Variants in NRXN1 observed in about 807,000 individuals in gnomAD.
NRXN1 encodes the protein neurexin-1.
A neutral mutation model predicts 150.9 loss-of-function variants in NRXN1; 39 were observed. The ratio of observed to expected loss-of-function variants is 0.26; its 90% CI spans 0.20 to 0.34. The LOEUF is 0.34. Among genes scored for constraint, NRXN1 ranks in the 10% least tolerant of loss-of-function variants. The pLI is 1.00. For synonymous variants in NRXN1, 924 were observed against 757.0 expected (o/e 1.22, Z -3.62); for missense variants, 1,815 against 1,949.9 (o/e 0.93, Z 1.30).
rs150640825 is a variant in NRXN1, at chr2:50,245,919, AT to A, written c.3365-8950del. Reference sequence around the variant, plus strand: ...CTTGTACTTAACTCTATTCTTAGTGATTTTTTTTTTCTATACAACAAAAAGC... The same window carrying A: ...CTTGTACTTAACTCTATTCTTAGTGATTTTTTTTTCTATACAACAAAAAGC... On this transcript the variant is annotated intron_variant, in intron 17 of 22. Transcript: ENST00000401669. Among the ~76,000 whole-genome samples the A allele has an allele frequency of 2.8e-3, 413 of 150,128 alleles. 2 individuals are homozygous for A. The highest frequency in any genetic ancestry group is 8.9e-3 in the African/African-American group (367 of 41,048).
chr2:50,277,085 A>G (rs1393097350), intron 17 of NRXN1, among the ~76,000 whole-genome samples: 1 of 152,174 alleles, frequency 6.6e-6, no homozygotes, highest in Non-Finnish European at 1.5e-5. Context: ...TTCGTTCAGA[A>G]TGTAAGAATG....
At chr2:50,478,562 G>T (rs914231115) in intron 15 of NRXN1, among the ~76,000 whole-genome samples, 1 of 151,146 alleles carries the variant, frequency 6.6e-6, no homozygotes, top group Non-Finnish European at 1.5e-5. Context: ...TTGATTTATT[G>T]TTTTTTAACT....
rs1200352168 is a variant in NRXN1 at position 50,681,660 on chromosome 2, C to T, written c.833-58045G>A. Among the ~76,000 whole-genome samples, 3 of 152,120 alleles carry T rather than the reference C, an allele frequency of 2.0e-5. No homozygotes were observed. In the South Asian group the frequency reaches 6.2e-4, roughly 32 times the overall value. ...TATTAATTACTTTCAACTCTTCCCC[C>T]AAGGTCTAGTAACCCACAAAAAGCT... On this transcript the variant is annotated intron_variant, in intron 5 of 22. Transcript: ENST00000401669.
intron 5 of NRXN1, among the ~76,000 whole-genome samples, chr2:50,907,663 C>A (rs767329927): frequency 1.3e-5 from 2 of 151,902 alleles, no homozygotes; most frequent in Non-Finnish European, 2.9e-5. Context: ...GAAGAATGGT[C>A]TGAGAGATGC....
intron 5 of NRXN1, among the ~76,000 whole-genome samples, chr2:50,628,155 A>G (rs887950357): frequency 4.0e-5 from 6 of 151,840 alleles, no homozygotes; most frequent in African/African-American, 1.2e-4. Context: ...ATAAATCTCA[A>G]CAAAGGTTTT....
chr2:50,302,768 T>C (rs192443020), intron 17 of NRXN1, among the ~76,000 whole-genome samples: 4 of 152,272 alleles, frequency 2.6e-5, no homozygotes, highest in Non-Finnish European at 5.9e-5. Context: ...TGAAATTTAA[T>C]TTGTAAGACA....
chr2:50,683,731 A>G (rs529043392), intron 5 of NRXN1, among the ~76,000 whole-genome samples: 1 of 145,458 alleles, frequency 6.9e-6, no homozygotes, highest in African/African-American at 2.5e-5. Flanking sequence ...AAACAGCTTT[A>G]CATACTTCAG....
intron 21 of NRXN1, among the ~76,000 whole-genome samples, chr2:49,950,913 G>C (rs931611856): frequency 6.6e-6 from 1 of 151,836 alleles, no homozygotes; most frequent in Non-Finnish European, 1.5e-5. Flanking sequence ...TGATGCCCTA[G>C]GCTATTACAA....
At chr2:50,053,189 T>C in intron 21 of NRXN1, 82 bp downstream of exon 21, 3 of 1,428,104 alleles carry the variant, frequency 2.1e-6, no homozygotes, top group Non-Finnish European at 3.0e-6. Context: ...ATGTTCCAAT[T>C]TAGAAAAGAC....
intron 19 of NRXN1, among the ~76,000 whole-genome samples, chr2:50,066,742 G>A (rs544570742): frequency 2.0e-5 from 3 of 152,228 alleles, no homozygotes; most frequent in East Asian, 3.9e-4. Context: ...TAAGTAAAAT[G>A]CACTGAAAAT....
chr2:50,899,250 C>T (rs1054475323), intron 5 of NRXN1, among the ~76,000 whole-genome samples: 12 of 152,212 alleles, frequency 7.9e-5, no homozygotes, highest in South Asian at 4.1e-4. Context: ...CGGATTCCAC[C>T]GTAATTTCTG....
intron 2 of NRXN1, among the ~76,000 whole-genome samples, chr2:50,987,446 G>C (rs1697898011): frequency 6.6e-6 from 1 of 151,812 alleles, no homozygotes; most frequent in Non-Finnish European, 1.5e-5. Flanking sequence ...TCTGGAATTG[G>C]AATTTGTGGT....
At chr2:50,003,176 T>C (rs575336502) in intron 21 of NRXN1, among the ~76,000 whole-genome samples, 2 of 152,194 alleles carry the variant, frequency 1.3e-5, no homozygotes, top group East Asian at 3.9e-4. Context: ...TGGAATAGGG[T>C]CCATATATAC....
chr2:50,369,872 A>G (rs1048152219), intron 17 of NRXN1, among the ~76,000 whole-genome samples: 1 of 152,020 alleles, frequency 6.6e-6, no homozygotes, highest in Non-Finnish European at 1.5e-5. Flanking sequence ...GTAGAGAACC[A>G]CTACATCACC....
chr2:50,430,302 T>C (rs1327434699), intron 17 of NRXN1, among the ~76,000 whole-genome samples: 2 of 151,800 alleles, frequency 1.3e-5, no homozygotes, highest in African/African-American at 4.8e-5. Flanking sequence ...GTCTGTAATT[T>C]CACTTTAATC....
intron 19 of NRXN1, among the ~76,000 whole-genome samples, chr2:50,068,568 T>A (rs1052839901): frequency 3.9e-5 from 6 of 152,210 alleles, no homozygotes; most frequent in Non-Finnish European, 7.3e-5. Flanking sequence ...GCATAACATC[T>A]TTTAACCTCA....
intron 5 of NRXN1, among the ~76,000 whole-genome samples, chr2:50,690,896 G>A (rs983117861): frequency 2.0e-5 from 3 of 152,136 alleles, no homozygotes; most frequent in African/African-American, 7.2e-5. Flanking sequence ...CTGACCCACT[G>A]TGCTCTCAGT....
intron 5 of NRXN1, among the ~76,000 whole-genome samples, chr2:50,670,518 C>T (rs1459062536): frequency 1.3e-5 from 2 of 151,850 alleles, no homozygotes; most frequent in East Asian, 3.9e-4. Context: ...TGTCCTAATG[C>T]TAATCTGTTA....
At chr2:50,392,212 C>T (rs776515396) in intron 17 of NRXN1, among the ~76,000 whole-genome samples, 1 of 152,090 alleles carries the variant, frequency 6.6e-6, no homozygotes, top group Non-Finnish European at 1.5e-5. Flanking sequence ...AGCAAAAATA[C>T]ACTAAAGGAG....
Sources: gnomAD v4.1 joint callset for allele counts (sites outside exome capture counted in the v4.1 genomes callset) on GRCh38, gnomAD v4.1.1 for gene constraint, MANE v1.5 for transcripts, NCBI Gene and HGNC (gene_info 2026-07-23, HGNC 2026-07-21) for gene names.